PCDHGA2: variants seen among roughly 807,000 people sequenced by gnomAD.
PCDHGA2 encodes the protein protocadherin gamma subfamily A, 2, also known as protocadherin gamma-A2.
A neutral mutation model predicts 59.2 loss-of-function variants in PCDHGA2; 40 were observed. The ratio of observed to expected loss-of-function variants is 0.68; its 90% confidence interval spans 0.52 to 0.88. The LOEUF is 0.88. PCDHGA2 is among the 40% of genes least tolerant of loss of function. PCDHGA2 has a pLI of 0.00. For synonymous variants in PCDHGA2, 560 were observed against 526.0 expected (o/e 1.06, Z -0.89); for missense variants, 1,226 against 1,204.0 (o/e 1.02, Z -0.27).
At chr5:141,392,956 T>G in intron 1 of PCDHGA2, 1 of 1,613,820 alleles carries the variant, frequency 6.2e-7, no homozygotes, top group South Asian at 1.1e-5. Context: ...GTGGGTAATA[T>G]CTCCAAGGAC....
intron 1 of PCDHGA2, among the ~76,000 whole-genome samples, chr5:141,446,739 T>A (rs1292920572): frequency 2.6e-5 from 4 of 152,180 alleles, no homozygotes; most frequent in African/African-American, 7.2e-5. Flanking sequence ...AGTGTGGGGA[T>A]TACAGGCGTG....
intron 1 of PCDHGA2, chr5:141,379,532 T>C (rs547960333): frequency 7.9e-5 from 12 of 152,376 alleles, no homozygotes; most frequent in African/African-American, 2.9e-4. Context: ...TTTGTTGTTA[T>C]AGGGAAAGCT....
At chr5:141,345,189 G>A in intron 1 of PCDHGA2, 1 of 1,613,922 alleles carries the variant, frequency 6.2e-7, no homozygotes, top group Non-Finnish European at 8.5e-7. Context: ...TGAAGTTTTT[G>A]TCCTGGGAAA....
intron 1 of PCDHGA2, among the ~76,000 whole-genome samples, chr5:141,369,622 ATTACCT>A (rs1766388164): frequency 6.6e-6 from 1 of 152,224 alleles, no homozygotes; most frequent in South Asian, 2.1e-4. Flanking sequence ...TCATTTCCTC[ATTACCT>A]TTAACTTCTT....
intron 1 of PCDHGA2, among the ~76,000 whole-genome samples, chr5:141,435,568 A>C (rs564789030): frequency 8.7e-4 from 132 of 152,274 alleles, no homozygotes; most frequent in Middle Eastern, 6.8e-3. Context: ...TTTTTTTAGT[A>C]CTGGGGCAAA....
At chr5:141,433,129 C>T in intron 1 of PCDHGA2, 1 of 1,614,130 alleles carries the variant, frequency 6.2e-7, no homozygotes, top group Non-Finnish European at 8.5e-7. Context: ...AAAGCGAGCC[C>T]CTTTTGCTGT....
Position 141,477,678 on chromosome 5 carries a change from C to T in PCDHGA2, c.2425-17129C>T, listed in dbSNP as rs967769574. ...AATCGTGACAATGGCATAGTGTCAT[C>T]CTTAGTGCCCCTAGACTATGAGGAT... On this transcript the variant is annotated intron_variant, in intron 1 of 3. Coordinates refer to ENST00000394576, the MANE Select transcript of PCDHGA2 (RefSeq NM_018915.4). This position sits in a 1 kb window ranked among gnomAD's most constrained non-coding sequence, Gnocchi z 4.9. 9.9e-6 allele frequency: 16 copies of T among 1,614,182 alleles called. No homozygotes were observed. The highest frequency in any genetic ancestry group is 1.1e-5 in the Non-Finnish European group (13 of 1,180,046).
intron 1 of PCDHGA2, chr5:141,387,922 G>A (rs764365334): frequency 2.0e-6 from 3 of 1,478,496 alleles, no homozygotes; most frequent in African/African-American, 2.8e-5. Context: ...CGGGCTGAGA[G>A]GCTGCCAGTG....
chr5:141,423,574 C>T (rs953989787), intron 1 of PCDHGA2: 2 of 1,613,328 alleles, frequency 1.2e-6, no homozygotes, highest in Non-Finnish European at 1.7e-6. Flanking sequence ...GCTCATCAGC[C>T]AGGAGAGCTG....
At position 141,341,480 on chromosome 5, in the gene PCDHGA2, A is replaced by G. The variant is rs775292538; in HGVS notation, c.2424+85A>G. 13 of 1,578,818 alleles carry G rather than the reference A, an allele frequency of 8.2e-6. No individual in the cohort carries two copies. In the East Asian group the frequency reaches 1.6e-4, roughly 19 times the overall value. ...GTTTACTATATCTATTTTGTTCCCC[A>G]TATTTCCTTGAGGGTAGAGTCAAGT... is the stretch of plus-strand genomic sequence containing the variant. On this transcript the variant is annotated intron_variant, in intron 1 of 3. Coordinates refer to ENST00000394576, the MANE Select transcript of PCDHGA2 (RefSeq NM_018915.4).
At chr5:141,480,698 C>T (rs1394538159) in intron 1 of PCDHGA2, among the ~76,000 whole-genome samples, 1 of 152,198 alleles carries the variant, frequency 6.6e-6, no homozygotes, top group Admixed American at 6.5e-5. Context: ...ACCCAGGCCA[C>T]ACCCCGACAA....
chr5:141,474,180 A>G (rs763042503), intron 1 of PCDHGA2, among the ~76,000 whole-genome samples: 4 of 152,240 alleles, frequency 2.6e-5, no homozygotes, highest in Non-Finnish European at 4.4e-5. Context: ...TGAGAAAACT[A>G]CTTACATTTT....
chr5:141,487,351 T>A lies in PCDHGA2; in HGVS notation c.2425-7456T>A. 6.2e-7 allele frequency: 1 copy of A among 1,614,210 alleles called. No individual in the cohort carries two copies. The highest frequency in any genetic ancestry group is 8.5e-7 in the Non-Finnish European group (1 of 1,180,038). On this transcript the variant is annotated intron_variant, in intron 1 of 3. Transcript: ENST00000394576. The surrounding 1 kb of genome is among the most constrained non-coding windows in gnomAD (Gnocchi z 5.0). ...GGGCAGCCTGTGGAGTCACATGCTT[T>A]CCTGCTGGCACCTGTGCCTGTCTCA...
Position 141,491,913 on chromosome 5 carries a change from T to C in PCDHGA2, c.2425-2894T>C, listed in dbSNP as rs2099735120. 2.1e-6 allele frequency: 3 copies of C among 1,398,206 alleles called. No homozygotes were observed. Among genetic ancestry groups the C allele is most frequent in the Non-Finnish European group, 2.9e-6 (3 of 1,051,918 alleles). The allele number at this position is 1,398,206 out of a possible 1,614,324, so 86.6% of individuals were successfully genotyped here. On this transcript the variant is annotated intron_variant, in intron 1 of 3. Coordinates refer to ENST00000394576, the MANE Select transcript of PCDHGA2 (RefSeq NM_018915.4). The surrounding 1 kb of genome is among the most constrained non-coding windows in gnomAD (Gnocchi z 6.9). ...TCCGAGCACCGGGGGTGGTGGCGAC[T>C]GTGGGCGAGGGGAGGTGGGACCGAC... is the stretch of plus-strand genomic sequence containing the variant.
intron 1 of PCDHGA2, among the ~76,000 whole-genome samples, chr5:141,438,625 TATATATATATACACACAC>T (rs1351180774): frequency 3.0e-4 from 14 of 46,412 alleles, no homozygotes; most frequent in Middle Eastern, 8.3e-3. Context: ...TATATATATA[TATATATATATACACACAC>T]ACACACACAT....
chr5:141,397,450 A>G (rs1434264337), intron 1 of PCDHGA2, among the ~76,000 whole-genome samples: 1 of 152,258 alleles, frequency 6.6e-6, no homozygotes, highest in Admixed American at 6.5e-5. Context: ...AATATAAAAC[A>G]CTAGAAATAT....
At chr5:141,344,281 G>A (rs745884101) in intron 1 of PCDHGA2, 4 of 1,614,090 alleles carry the variant, frequency 2.5e-6, no homozygotes, top group Non-Finnish European at 3.4e-6. Context: ...CAAAGCGGCA[G>A]CTTGGTCACC....
Position 141,511,606 on chromosome 5 carries a change from G to A in PCDHGA2, c.*433G>A, listed in dbSNP as rs1160129762. The stretch of plus-strand genomic sequence containing the variant: ...TGTTGAAGTACCAAGTAACCTACAA[G>A]CCTCCTAGTTCTGAAAAGTTGGAAG... On this transcript the variant is annotated 3_prime_UTR_variant, in exon 4 of 4. Transcript: ENST00000394576. 2 of 248,594 alleles carry A rather than the reference G, an allele frequency of 8.0e-6. No individual in the cohort carries two copies. Among genetic ancestry groups the A allele is most frequent in the Non-Finnish European group, 1.6e-5 (2 of 123,946 alleles). 15.4% of individuals were successfully genotyped at this position (248,594 alleles called of 1,614,324 possible). A position where few individuals can be genotyped will look rare whatever the true frequency, so the allele number is the denominator to read the frequency against.
In PCDHGA2 at chr5:141,393,293, G is replaced by A. The variant is rs774531655; in HGVS notation, c.2424+51898G>A. On this transcript the variant is annotated intron_variant, in intron 1 of 3. Coordinates refer to ENST00000394576, the MANE Select transcript of PCDHGA2 (RefSeq NM_018915.4). ...ATCCACTCCCAGAAGCTGTTGACCC[G>A]GATGTGGGCGTGAACTCCCTCCAGA... 6.2e-6 allele frequency: 10 copies of A among 1,613,918 alleles called. No homozygotes were observed. The Admixed American group carries it at 8.3e-5, about 13-fold the overall frequency.
Sources: gnomAD v4.1 joint callset for allele counts (sites outside exome capture counted in the v4.1 genomes callset) on GRCh38, gnomAD v4.1.1 for gene constraint, Gnocchi (gnomAD v3.1) non-coding constraint, MANE v1.5 for transcripts, NCBI Gene and HGNC (gene_info 2026-07-23, HGNC 2026-07-21) for gene names.